Variants in PBX3 observed in about 807,000 individuals in gnomAD.
PBX3 encodes the protein pre-B-cell leukemia transcription factor 3.
A neutral mutation model predicts 48.5 loss-of-function variants in PBX3; 14 were observed. The ratio of observed to expected loss-of-function variants is 0.29; its 90% CI spans 0.19 to 0.45. PBX3 has a LOEUF of 0.45. PBX3 is among the 20% of genes least tolerant of loss of function. The pLI, the probability that PBX3 is intolerant of heterozygous loss-of-function variation, is 1.00. For synonymous variants in PBX3, 210 were observed against 200.3 expected (o/e 1.05, Z -0.41); for missense variants, 386 against 546.7 (o/e 0.71, Z 2.93).
intron 2 of PBX3, among the ~76,000 whole-genome samples, chr9:125,816,415 A>T (rs1838465382): frequency 6.6e-6 from 1 of 152,190 alleles, no homozygotes; most frequent in Non-Finnish European, 1.5e-5. Context: ...ATCCAGAGCG[A>T]TGCTTGCTTT....
intron 2 of PBX3, among the ~76,000 whole-genome samples, chr9:125,796,489 A>G (rs1267977477): frequency 6.6e-6 from 1 of 152,148 alleles, no homozygotes; most frequent in Non-Finnish European, 1.5e-5. Context: ...GGGCTGTTGT[A>G]TTAAATTGTT....
intron 2 of PBX3, among the ~76,000 whole-genome samples, chr9:125,877,486 T>G (rs1840283141): frequency 6.6e-6 from 1 of 152,234 alleles, no homozygotes; most frequent in Admixed American, 6.5e-5. Context: ...AAGAGCTACG[T>G]AAGTGTGTAA....
At chr9:125,900,604 AGCCTCTACAG>A (rs1317946597) in intron 2 of PBX3, among the ~76,000 whole-genome samples, 1 of 151,768 alleles carries the variant, frequency 6.6e-6, no homozygotes, top group African/African-American at 2.4e-5. Flanking sequence ...TTCACAGTGT[AGCCTCTACAG>A]GCAGGTGGCT....
intron 2 of PBX3, among the ~76,000 whole-genome samples, chr9:125,822,386 T>C (rs1838677950): frequency 6.6e-6 from 1 of 152,176 alleles, no homozygotes; most frequent in South Asian, 2.1e-4. Context: ...GTGGTTTTCC[T>C]CTTGTACACA....
intron 2 of PBX3, among the ~76,000 whole-genome samples, chr9:125,792,345 G>A (rs1468646036): frequency 3.3e-5 from 5 of 152,154 alleles, no homozygotes; most frequent in Non-Finnish European, 5.9e-5. Flanking sequence ...AACTTTTGTA[G>A]GTGCTTAGTG....
chr9:125,794,783 C>T (rs1837728660), intron 2 of PBX3, among the ~76,000 whole-genome samples: 1 of 141,574 alleles, frequency 7.1e-6, no homozygotes, highest in South Asian at 2.6e-4. Context: ...CACCTCAATT[C>T]CAAAGATAAC....
chr9:125,799,390 C>T lies in PBX3; in HGVS notation c.274+50767C>T, dbSNP rs190941203. Among the ~76,000 whole-genome samples the T allele has an allele frequency of 7.2e-5, 11 of 152,188 alleles. No individual in the cohort carries two copies. The East Asian group carries it at 1.9e-3, about 27-fold the overall frequency. On this transcript the variant is annotated intron_variant, in intron 2 of 8. Transcript: ENST00000373489. ...TGTGGTGGCGTGCACGCTGTAGTCC[C>T]AGCTACTCCGGAGGCTGAGGTGGGA...
At chr9:125,853,987 C>CAG (rs530128765) in intron 2 of PBX3, among the ~76,000 whole-genome samples, 1 of 134,528 alleles carries the variant, frequency 7.4e-6, no homozygotes, top group African/African-American at 3.9e-5. Context: ...CTGCTGTATA[C>CAG]ACACACACAC....
At chr9:125,961,042 C>T (rs1164032429) in intron 6 of PBX3, among the ~76,000 whole-genome samples, 193 bp downstream of exon 6, 1 of 152,248 alleles carries the variant, frequency 6.6e-6, no homozygotes, top group Non-Finnish European at 1.5e-5. Context: ...CCACTCTTCA[C>T]AGTGAATGCC....
At chr9:125,950,500 A>T (rs1254055355) in intron 5 of PBX3, among the ~76,000 whole-genome samples, 55 of 142,990 alleles carry the variant, frequency 3.8e-4, no homozygotes, top group African/African-American at 1.3e-3. Flanking sequence ...TTTTTTTGAG[A>T]CTGAGTCTTG....
At chr9:125,808,373 T>G (rs781090267) in intron 2 of PBX3, among the ~76,000 whole-genome samples, 6 of 152,190 alleles carry the variant, frequency 3.9e-5, no homozygotes, top group Non-Finnish European at 7.3e-5. Flanking sequence ...ATAGCAATTA[T>G]GTTTCATAAA....
chr9:125,770,837 A>T (rs143074919), intron 2 of PBX3, among the ~76,000 whole-genome samples: 395 of 152,330 alleles, frequency 2.6e-3, no homozygotes, highest in Middle Eastern at 0.01. Context: ...CAAATCTTTC[A>T]CAGTTGTGCC....
chr9:125,821,027 CTT>C, intron 2 of PBX3, among the ~76,000 whole-genome samples: 1 of 152,226 alleles, frequency 6.6e-6, no homozygotes, highest in African/African-American at 2.4e-5. Context: ...AATTTTGTAA[CTT>C]ATAGCCAAAA....
chr9:125,778,605 C>CTTTTTTTTTTTTTTTTTATTTTTTTTTT (rs138965100), intron 2 of PBX3, among the ~76,000 whole-genome samples: 1 of 132,902 alleles, frequency 7.5e-6, no homozygotes, highest in Non-Finnish European at 1.6e-5. Context: ...TTGATCTTTT[C>CTTTTTTTTTTTTTTTTTATTTTTTTTTT]TTTTTTTTTT....
chr9:125,852,687 T>C (rs890038728), intron 2 of PBX3, among the ~76,000 whole-genome samples: 3 of 152,218 alleles, frequency 2.0e-5, no homozygotes, highest in African/African-American at 7.2e-5. Context: ...GGTCAAGTTA[T>C]AACATTGTTT....
chr9:125,952,777 T>C (rs970937858), intron 5 of PBX3, among the ~76,000 whole-genome samples: 47 of 152,192 alleles, frequency 3.1e-4, no homozygotes, highest in African/African-American at 1.1e-3. Context: ...GTTTTTAATT[T>C]ATTCATTAAA....
intron 5 of PBX3, among the ~76,000 whole-genome samples, chr9:125,945,514 A>G (rs60482198): frequency 0.028 from 4,253 of 152,218 alleles, 235 homozygotes; most frequent in African/African-American, 0.096. Flanking sequence ...ATATTCTCAT[A>G]ACTTCTTTTC....
intron 6 of PBX3, among the ~76,000 whole-genome samples, chr9:125,961,260 A>C (rs1216971946): frequency 1.3e-5 from 2 of 152,214 alleles, no homozygotes; most frequent in Non-Finnish European, 2.9e-5. Context: ...AGGGAAGTGC[A>C]GCAGTGCTTT....
intron 2 of PBX3, among the ~76,000 whole-genome samples, chr9:125,859,681 T>C (rs1361381579): frequency 6.6e-6 from 1 of 152,190 alleles, no homozygotes; most frequent in African/African-American, 2.4e-5. Flanking sequence ...AATTTGTTGG[T>C]GTGGTCAGTG....
Sources: gnomAD v4.1 joint callset for allele counts (sites outside exome capture counted in the v4.1 genomes callset) on GRCh38, gnomAD v4.1.1 for gene constraint, MANE v1.5 for transcripts, NCBI Gene and HGNC (gene_info 2026-07-23, HGNC 2026-07-21) for gene names.